The following RIF1 variants were observed in gnomAD, a reference collection of about 807,000 sequenced individuals.
RIF1 encodes the protein telomere-associated protein RIF1.
Under a neutral mutation model 247.1 loss-of-function variants are expected in RIF1, and 45 were observed. The observed-to-expected ratio is 0.18, with a 90% confidence interval of 0.14 to 0.23. The LOEUF (loss-of-function observed/expected upper bound fraction) is 0.23. RIF1 is among the 10% of genes least tolerant of loss of function. The pLI is 1.00. For synonymous variants in RIF1, 1,087 were observed against 978.8 expected, an observed-to-expected ratio of 1.11 and a Z score of -2.06; for missense variants, 2,967 against 2,862.5, an observed-to-expected ratio of 1.04 and a Z score of -0.83.
chr2:151,484,772 G>C (rs1266795623), downstream of RIF1, among the ~76,000 whole-genome samples: 2 of 152,210 alleles, frequency 1.3e-5, no homozygotes, highest in East Asian at 3.9e-4. Flanking sequence ...GGATGGTTAA[G>C]CATAATCTGC....
chr2:151,496,551 C>T (rs977844506), intron 10 of RIF1, among the ~76,000 whole-genome samples: 12 of 152,302 alleles, frequency 7.9e-5, no homozygotes, highest in Admixed American at 3.9e-4. Flanking sequence ...GGGGAATCTG[C>T]ACCCTCTAGA....
chr2:151,482,461 TAGAAG>T (rs1419599981), downstream of RIF1, among the ~76,000 whole-genome samples: 3 of 152,106 alleles, frequency 2.0e-5, no homozygotes, highest in South Asian at 2.1e-4. Context: ...TTGAACTTGT[TAGAAG>T]AGAGGTTTCG....
chr2:151,498,891 T>TAAAAAA (rs66881625), intron 10 of RIF1, among the ~76,000 whole-genome samples: 1 of 150,214 alleles, frequency 6.7e-6, no homozygotes, highest in African/African-American at 2.4e-5. Flanking sequence ...GATAAGGTGC[T>TAAAAAA]AAAAAAAAGA....
intron 9 of RIF1, chr2:151,494,220 C>A: frequency 6.2e-7 from 1 of 1,605,450 alleles, no homozygotes; most frequent in Non-Finnish European, 8.5e-7. Context: ...ACAGGGGTTG[C>A]GGTGGCTTTC....
At chr2:151,520,872 A>C in the RIF1 span, among the ~76,000 whole-genome samples, 5 of 152,180 alleles carry the variant, frequency 3.3e-5, no homozygotes. Context: ...TCACAAAATA[A>C]ATAAGAGGAT....
At chr2:151,438,089 G>C (rs538865568) in intron 13 of RIF1, among the ~76,000 whole-genome samples, 1 of 152,142 alleles carries the variant, frequency 6.6e-6, no homozygotes, top group East Asian at 1.9e-4. Context: ...AAAGTAGTGG[G>C]CATTCAATTC....
chr2:151,466,548 TA>T lies in RIF1; in HGVS notation c.6600+439del, dbSNP rs201120384. ...ATACATGTTCCAGACCATATCTAATTAAAAAAAAAAACTCATGTGCCTTCAT... is the reference window on the plus strand; with the variant it reads ...ATACATGTTCCAGACCATATCTAATTAAAAAAAAAACTCATGTGCCTTCAT... On this transcript the variant is annotated intron_variant, in intron 30 of 35. Coordinates refer to ENST00000444746, the MANE Select transcript of RIF1 (RefSeq NM_018151.5). 6.1e-4 allele frequency among the ~76,000 whole-genome samples: 90 copies of T among 148,168 alleles called. 1 individual carries two copies. The South Asian group carries it at 0.011, about 19-fold the overall frequency.
chr2:151,491,823 A>G (rs968925669), intron 9 of RIF1: 12 of 1,436,812 alleles, frequency 8.4e-6, no homozygotes, highest in Non-Finnish European at 1.1e-5. Context: ...GAGTTTTCCA[A>G]TAACTTGAAA....
intron 8 of RIF1, among the ~76,000 whole-genome samples, chr2:151,425,984 T>TAAC (rs1689004258): frequency 6.6e-6 from 1 of 151,240 alleles, no homozygotes; most frequent in Non-Finnish European, 1.5e-5. Context: ...TGGCCTGTGG[T>TAAC]ACCCTTTTGA....
At chr2:151,414,455 C>T (rs1573844158) in intron 3 of RIF1, among the ~76,000 whole-genome samples, 1 of 152,326 alleles carries the variant, frequency 6.6e-6, no homozygotes, top group African/African-American at 2.4e-5. Flanking sequence ...TCACTCCACT[C>T]TAAAGCTAGG....
chr2:151,493,417 G>A (rs1307725254), intron 9 of RIF1: 2 of 1,607,356 alleles, frequency 1.2e-6, no homozygotes, highest in Non-Finnish European at 1.7e-6. Context: ...TGTCGGAGTT[G>A]CTTTTCTCAT....
At chr2:151,506,895 A>C in intron 13 of RIF1, 1 of 1,540,042 alleles carries the variant, frequency 6.5e-7, no homozygotes, top group Non-Finnish European at 9.0e-7. Flanking sequence ...ATGCAAAATA[A>C]ATAGTAAATA....
In RIF1 at chr2:151,462,329, A is replaced by G. The variant is rs1696312788; in HGVS notation, c.3308+7A>G. On this transcript the variant is annotated splice_region_variant and intron_variant, in intron 28 of 35. Coordinates refer to ENST00000444746, the MANE Select transcript of RIF1 (RefSeq NM_018151.5). ...ATAGTCAGGAAGAGCCTATGTAAGT[A>G]CAGAAGCCATCAAACTTTTATATCT... 2 of 1,547,142 alleles carry G rather than the reference A, an allele frequency of 1.3e-6. No individual in the cohort carries two copies. The highest frequency in any genetic ancestry group is 1.8e-6 in the Non-Finnish European group (2 of 1,140,868).
At chr2:151,440,224 T>C in intron 15 of RIF1, 97 bp downstream of exon 15, 1 of 708,044 alleles carries the variant, frequency 1.4e-6, no homozygotes, top group Non-Finnish European at 2.4e-6. Context: ...GGGAAGACTT[T>C]TTTATATCAA....
intron 29 of RIF1, among the ~76,000 whole-genome samples, 156 bp downstream of exon 29, chr2:151,462,622 TAGC>T (rs1327418321): frequency 6.6e-6 from 1 of 150,980 alleles, no homozygotes; most frequent in Non-Finnish European, 1.5e-5. Flanking sequence ...ATTCAGATAC[TAGC>T]AGAATATCAG....
At chr2:151,434,167 CAA>C (rs1230432491) in intron 10 of RIF1, among the ~76,000 whole-genome samples, 20 of 110,430 alleles carry the variant, frequency 1.8e-4, no homozygotes, top group Admixed American at 4.5e-4. Flanking sequence ...GACTCCATCT[CAA>C]AAAAAAAAAA....
chr2:151,418,019 GTATCTCACACT>G lies in RIF1; in HGVS notation c.503+1121_503+1131del, dbSNP rs369885842. ...AAAAAGATTAAAAAATGGTACACCT[GTATCTCACACT>G]TACCACGAATGGAGGTTTTAGGACT... On this transcript the variant is annotated intron_variant, in intron 6 of 35. Coordinates refer to ENST00000444746, the MANE Select transcript of RIF1 (RefSeq NM_018151.5). Among the ~76,000 whole-genome samples the G allele has an allele frequency of 3.5e-3, 535 of 152,252 alleles. 3 individuals are homozygous for G. The highest frequency in any genetic ancestry group is 0.012 in the African/African-American group (495 of 41,562).
the RIF1 span, chr2:151,518,458 AG>A: frequency 7.8e-7 from 1 of 1,276,398 alleles, no homozygotes; most frequent in East Asian, 2.3e-5. Flanking sequence ...ACATTGATGG[AG>A]AAGCTGCTCA....
chr2:151,447,731 G>A (rs1050973958), intron 20 of RIF1, among the ~76,000 whole-genome samples: 1 of 152,102 alleles, frequency 6.6e-6, no homozygotes, highest in Admixed American at 6.5e-5. Flanking sequence ...TTTTAGTAGA[G>A]ATGGGGTTTC....
Sources: gnomAD v4.1 joint callset for allele counts (sites outside exome capture counted in the v4.1 genomes callset) on GRCh38, gnomAD v4.1.1 for gene constraint, MANE v1.5 for transcripts, NCBI Gene and HGNC (gene_info 2026-07-23, HGNC 2026-07-21) for gene names.